Variants in AOC3 observed in about 807,000 individuals in gnomAD.
AOC3 encodes amine oxidase copper containing 3.
Under a neutral mutation model 55.4 loss-of-function variants are expected in AOC3, and 47 were observed. The ratio of observed to expected loss-of-function variants is 0.85; its 90% CI spans 0.67 to 1.08. The LOEUF is 1.08. Among genes scored for constraint, AOC3 ranks in the 50% least tolerant of loss-of-function variants. The pLI is 0.00. For missense variants in AOC3, 853 were observed against 993.1 expected, an observed-to-expected ratio of 0.86 and a Z score of 1.90; for synonymous variants, 386 against 410.7, an observed-to-expected ratio of 0.94 and a Z score of 0.73.
rs555589985 is a variant in AOC3 at position 42,852,667 on chromosome 17, C to T, written c.1324C>T (p.Arg442Ter). The change falls in exon 1 of 4, where the codon CGA (arginine) becomes TGA (stop). Residue 442 changes from arginine (R) to a stop codon, truncating the protein, a stop_gained. Transcript: ENST00000308423. LOFTEE classifies it high-confidence loss of function. ...FEQNQGLPLR[R>*]HHSDLYSHYF... Reference sequence around the variant, plus strand: ...ACAGAACCAGGGCCTCCCCCTGCGGCGACACCACTCAGATCTCTACTCGCA... The same window carrying T: ...ACAGAACCAGGGCCTCCCCCTGCGGTGACACCACTCAGATCTCTACTCGCA... 31 of 1,614,168 alleles carry T rather than the reference C, an allele frequency of 1.9e-5. No homozygotes were observed. The highest frequency in any genetic ancestry group is 1.4e-4 in the South Asian group (13 of 91,078).
intron 1 of AOC3, 186 bp from the exon 2 acceptor site, chr17:42,854,262 A>C (rs2055714969): frequency 2.3e-6 from 1 of 435,258 alleles, no homozygotes; most frequent in African/African-American, 2.0e-5. Flanking sequence ...CTGATGAAGT[A>C]TTTTAATTTA....
chr17:42,851,819 G>A lies in AOC3; in HGVS notation c.476G>A (p.Arg159His), dbSNP rs561926886. 3.7e-5 allele frequency: 60 copies of A among 1,613,548 alleles called. No individual in the cohort carries two copies. Among genetic ancestry groups the A allele is most frequent in the South Asian group, 8.8e-5 (8 of 91,090 alleles). ...PSYMRDVTVE[R>H]HGGPLPYHRR... ...TACATGCGGGACGTGACTGTGGAGC[G>A]TCATGGAGGCCCCCTGCCCTATCAC... Residue 159 changes from arginine to histidine, a missense_variant, in exon 1 of 4, where the codon CGT (arginine) becomes CAT (histidine). By Grantham distance (29) the Arg-to-His change is conservative. Coordinates refer to ENST00000308423, the MANE Select transcript of AOC3 (RefSeq NM_003734.4).
Position 42,852,840 on chromosome 17 carries a change from C to A in AOC3, c.1497C>A (p.Phe499Leu). Residue 499 changes from phenylalanine to leucine, a missense_variant, in exon 1 of 4, where the codon TTC becomes TTA. Coordinates refer to ENST00000308423, the MANE Select transcript of AOC3 (RefSeq NM_003734.4). The part of the protein sequence containing the change: ...FYATGYISSA[F>L]LFGATGKYGN... ...CCACGGGCTACATCAGCTCGGCATT[C>A]CTCTTTGGTGCTACTGGGAAGTACG... 6.2e-7 allele frequency: 1 copy of A among 1,613,856 alleles called. No homozygotes were observed. The highest frequency in any genetic ancestry group is 8.5e-7 in the Non-Finnish European group (1 of 1,179,768).
chr17:42,853,473 G>C (rs750834729), intron 1 of AOC3: 1 of 876,504 alleles, frequency 1.1e-6, no homozygotes, highest in African/African-American at 1.8e-5. Flanking sequence ...CATGGATCCC[G>C]TGGAGCATTC....
Position 42,854,607 on chromosome 17 carries a change from T to C in AOC3, c.1760T>C (p.Leu587Pro). 2 of 1,602,922 alleles carry C rather than the reference T, an allele frequency of 1.2e-6. No homozygotes were observed. The highest frequency in any genetic ancestry group is 1.1e-5 in the South Asian group (1 of 89,714). ...GTGGGAAGCGCCACCCCTCGCTACC[T>C]GTACCTGGCCAGCAACCACAGCAAC... Reference protein sequence around the residue: ...FLVGSATPRYLYLASNHSNKW... With the variant: ...FLVGSATPRYPYLASNHSNKW... The change falls in exon 2 of 4, where the codon CTG becomes CCG. Residue 587 changes from leucine (L) to proline (P), a missense_variant. Transcript: ENST00000308423.
rs202120479 is a variant in AOC3, at chr17:42,852,727, G to A, written c.1384G>A (p.Val462Ile). The A allele has an allele frequency of 5.0e-6, 8 of 1,614,100 alleles. No homozygotes were observed. The highest frequency in any genetic ancestry group is 2.2e-5 in the East Asian group (1 of 44,890). ...FGGLAETVLV[V>I]RSMSTLLNYD... ...GGGTCTTGCGGAAACGGTGCTGGTC[G>A]TCAGATCTATGTCCACCTTGCTCAA... is the stretch of plus-strand genomic sequence containing the variant. The change falls in exon 1 of 4, where the codon GTC becomes ATC. Residue 462 changes from valine to isoleucine, a missense_variant. Val to Ile is a conservative substitution (Grantham distance 29). Coordinates refer to ENST00000308423, the MANE Select transcript of AOC3 (RefSeq NM_003734.4).
intron 1 of AOC3, 60 bp from the exon 2 acceptor site, chr17:42,854,388 A>G (rs1419569926): frequency 2.9e-6 from 4 of 1,396,672 alleles, no homozygotes; most frequent in Non-Finnish European, 2.8e-6. Flanking sequence ...AGATGGGGGC[A>G]GAGTCCAGAG....
At position 42,851,246 on chromosome 17, in the gene AOC3, C is replaced by T. The variant is rs1225821020; in HGVS notation, c.-98C>T. ...GGAACCTCAGCCAGAGTCCGGGAGC[C>T]CCCCACCCCGTCCAGGAGCCAACAG... On this transcript the variant is annotated 5_prime_UTR_variant, in exon 1 of 4. Coordinates refer to ENST00000308423, the MANE Select transcript of AOC3 (RefSeq NM_003734.4). 6 of 1,396,406 alleles carry T rather than the reference C, an allele frequency of 4.3e-6. No homozygotes were observed. Among genetic ancestry groups the T allele is most frequent in the Non-Finnish European group, 5.9e-6 (6 of 1,023,332 alleles). The allele number at this position is 1,396,406 out of a possible 1,614,324, so 86.5% of individuals were successfully genotyped here. A position where few individuals can be genotyped will look rare whatever the true frequency, so the allele number is the denominator to read the frequency against.
Position 42,854,558 on chromosome 17 carries a change from A to G in AOC3, c.1711A>G (p.Met571Val). 3.1e-6 allele frequency: 5 copies of G among 1,610,822 alleles called. No homozygotes were observed. Among genetic ancestry groups the G allele is most frequent in the Non-Finnish European group, 4.2e-6 (5 of 1,178,488 alleles). ...RLQVTRKLLE[M>V]EEQAAFLVGS... ...GCAGGTGACCCGGAAGCTGCTGGAG[A>G]TGGAGGAGCAGGCCGCCTTCCTCGT... Residue 571 changes from methionine (M) to valine (V), a missense_variant, in exon 2 of 4, where the codon ATG becomes GTG. Transcript: ENST00000308423.
rs113870367 is a variant in AOC3, at chr17:42,856,247, C to G, written c.2017-28C>G. The G allele has an allele frequency of 2.5e-5, 40 of 1,609,090 alleles. No individual in the cohort carries two copies. In the African/African-American group the frequency reaches 3.1e-4, roughly 12 times the overall value. On this transcript the variant is annotated intron_variant, in intron 3 of 3. Coordinates refer to ENST00000308423, the MANE Select transcript of AOC3 (RefSeq NM_003734.4). ...GCATGTCCTCAGCAAAGCCAGACCT[C>G]GTGATCCTCTTTCTTCTCCCCTGCT...
chr17:42,853,756 A>G (rs953061130), intron 1 of AOC3, among the ~76,000 whole-genome samples: 4 of 152,002 alleles, frequency 2.6e-5, no homozygotes, highest in Non-Finnish European at 5.9e-5. Context: ...AGGGCCTCCC[A>G]TCCACACCAG....
rs778299209 is a variant in AOC3, at chr17:42,854,444, G to A, written c.1601-4G>A. 2.7e-6 allele frequency: 4 copies of A among 1,506,046 alleles called. No homozygotes were observed. The highest frequency in any genetic ancestry group is 1.3e-5 in the South Asian group (1 of 76,418). The allele number at this position is 1,506,046 out of a possible 1,614,324, so 93.3% of individuals were successfully genotyped here. On this transcript the variant is annotated splice_polypyrimidine_tract_variant and splice_region_variant and intron_variant, in intron 1 of 3. Coordinates refer to ENST00000308423, the MANE Select transcript of AOC3 (RefSeq NM_003734.4). ...CAGGCCCTCCCCTATCCCACCCTGA[G>A]CAGGACTGGAGAACTGGGTCTGGGC...
chr17:42,854,438 C>G lies in AOC3; in HGVS notation c.1601-10C>G, dbSNP rs748207692. ...GCCTGACAGGCCCTCCCCTATCCCA[C>G]CCTGAGCAGGACTGGAGAACTGGGT... On this transcript the variant is annotated splice_polypyrimidine_tract_variant and intron_variant, in intron 1 of 3. Transcript: ENST00000308423. 1 of 1,495,232 alleles carries G rather than the reference C, an allele frequency of 6.7e-7. No individual in the cohort carries two copies. Among genetic ancestry groups the G allele is most frequent in the South Asian group, 1.3e-5 (1 of 74,458 alleles). The allele number at this position is 1,495,232 out of a possible 1,614,324, so 92.6% of individuals were successfully genotyped here. A position where few individuals can be genotyped will look rare whatever the true frequency, so the allele number is the denominator to read the frequency against.
At position 42,855,469 on chromosome 17, in the gene AOC3, A is replaced by T. The variant is rs373538375; in HGVS notation, c.1912A>T (p.Lys638Ter). 9.9e-6 allele frequency: 16 copies of T among 1,609,460 alleles called. No homozygotes were observed. Among genetic ancestry groups the T allele is most frequent in the Admixed American group, 1.7e-5 (1 of 59,050 alleles). ...ERYQLAVTQR[K>*]EEEPSSSSVF... The stretch of plus-strand genomic sequence containing the variant: ...GTACCAGCTGGCTGTGACCCAGCGG[A>T]AGGAGGAGGAGCCCAGTAGCAGCAG... Residue 638 changes from lysine to a stop codon, truncating the protein, a stop_gained, in exon 3 of 4, where the codon AAG becomes TAG. Transcript: ENST00000308423. LOFTEE classifies it high-confidence loss of function.
intron 1 of AOC3, 73 bp downstream of exon 1, chr17:42,853,016 A>G: frequency 6.6e-7 from 1 of 1,519,092 alleles, no homozygotes; most frequent in East Asian, 2.3e-5. Flanking sequence ...TTTGGGTTTT[A>G]TGTAGATTAT....
Position 42,851,519 on chromosome 17 carries a change from T to C in AOC3, c.176T>C (p.Leu59Pro). 2 of 1,614,172 alleles carry C rather than the reference T, an allele frequency of 1.2e-6. No individual in the cohort carries two copies. The highest frequency in any genetic ancestry group is 1.7e-6 in the Non-Finnish European group (2 of 1,180,016). ...TGGACACACCCTGGCCAGAGCCAGC[T>C]GTTTGCAGACCTGAGCCGAGAGGAG... ...QPWTHPGQSQ[L>P]FADLSREELT... is the part of the protein sequence containing the mutation. Residue 59 changes from leucine to proline, a missense_variant, in exon 1 of 4, where the codon CTG becomes CCG. Physicochemically the swap from Leu to Pro is moderately conservative, Grantham distance 98. Transcript: ENST00000308423.
Position 42,852,934 on chromosome 17 carries a change from G to T in AOC3, c.1591G>T (p.Asp531Tyr). 1 of 1,602,172 alleles carries T rather than the reference G, an allele frequency of 6.2e-7. No individual in the cohort carries two copies. Among genetic ancestry groups the T allele is most frequent in the Non-Finnish European group, 8.5e-7 (1 of 1,169,954 alleles). Reference protein sequence around the residue: ...THSAHFKVDLDVAGLENWVWA... With the variant: ...THSAHFKVDLYVAGLENWVWA... ...CAGCGCCCACTTCAAGGTGGATCTG[G>T]ATGTAGCAGGTAAGACATTTTGGTG... The change falls in exon 1 of 4, where the codon GAT becomes TAT. Residue 531 changes from aspartate to tyrosine, a missense_variant. Transcript: ENST00000308423.
chr17:42,856,095 A>C (rs2055744415), intron 3 of AOC3, among the ~76,000 whole-genome samples, 180 bp from the exon 4 acceptor site: 2 of 152,192 alleles, frequency 1.3e-5, no homozygotes, highest in African/African-American at 4.8e-5. Flanking sequence ...TGGAGGCTGC[A>C]AGCCAGGGAC....
intron 1 of AOC3, chr17:42,853,214 T>C: frequency 7.6e-7 from 1 of 1,308,158 alleles, no homozygotes; most frequent in Non-Finnish European, 9.8e-7. Context: ...GGGCTAACAG[T>C]GTCCCCATTG....
Sources: allele counts gnomAD v4.1 joint callset (sites outside exome capture counted in the v4.1 genomes callset), GRCh38; gene constraint gnomAD v4.1.1; transcripts MANE v1.5; gene names NCBI Gene and HGNC (gene_info 2026-07-23, HGNC 2026-07-21).